The following FBXO25 variants were observed in gnomAD, a reference collection of about 807,000 sequenced individuals.
FBXO25 encodes F-box protein 25, also known as F-box only protein 25.
FBXO25 carries 45 observed loss-of-function variants against 51.9 expected under a neutral mutation model. The observed-to-expected ratio is 0.87, with a 90% CI of 0.68 to 1.11. The LOEUF (loss-of-function observed/expected upper bound fraction) is 1.11, where lower values mean the gene tolerates loss of function less well. Among genes scored for constraint, FBXO25 ranks in the 50% most tolerant of loss-of-function variants. FBXO25 has a pLI of 0.00. For synonymous variants in FBXO25, 199 were observed against 151.0 expected, an observed-to-expected ratio of 1.32 and a Z score of -2.33; for missense variants, 507 against 428.5, an observed-to-expected ratio of 1.18 and a Z score of -1.62.
chr8:438,970 C>T (rs770280200), intron 5 of FBXO25, among the ~76,000 whole-genome samples: 2 of 152,154 alleles, frequency 1.3e-5, no homozygotes, highest in Admixed American at 6.5e-5. Flanking sequence ...CTGCTGTTCA[C>T]CCACTGCTGA....
At chr8:427,469 G>T (rs1425941223) in intron 2 of FBXO25, among the ~76,000 whole-genome samples, 11 of 151,220 alleles carry the variant, frequency 7.3e-5, no homozygotes, top group Non-Finnish European at 1.5e-4. Flanking sequence ...TAGCATATAT[G>T]TACCTTTCAT....
rs1241303132 is a variant in FBXO25, at chr8:451,282, C to G, written c.489C>G (p.His163Gln). The G allele has an allele frequency of 1.2e-6, 2 of 1,605,934 alleles. No individual in the cohort carries two copies. Among genetic ancestry groups the G allele is most frequent in the Non-Finnish European group, 1.7e-6 (2 of 1,177,760 alleles). The change falls in exon 7 of 10, where the codon CAC becomes CAG. Residue 163 changes from histidine (H) to glutamine (Q), a missense_variant. His to Gln is a conservative substitution (Grantham distance 24). Coordinates refer to ENST00000350302, the MANE Select transcript of FBXO25 (RefSeq NM_183420.2). ...TATTTATTCCAGTTCTTGATGACCACCACAATCCTCGCTTAATCAAAGATC... is the reference window on the plus strand; with the variant it reads ...TATTTATTCCAGTTCTTGATGACCAGCACAATCCTCGCTTAATCAAAGATC... The part of the protein sequence containing the change: ...DKIVQKVLDD[H>Q]HNPRLIKDLL...
intron 2 of FBXO25, among the ~76,000 whole-genome samples, chr8:430,505 G>A (rs1448599875): frequency 6.6e-6 from 1 of 151,810 alleles, no homozygotes; most frequent in Non-Finnish European, 1.5e-5. Flanking sequence ...CAATTTTCTT[G>A]TCAAAGAACG....
At chr8:422,617 A>G (rs1435903982) in intron 2 of FBXO25, among the ~76,000 whole-genome samples, 5 of 152,172 alleles carry the variant, frequency 3.3e-5, no homozygotes, top group Admixed American at 6.5e-5. Context: ...ACTTGGGGAC[A>G]CTGTGTGTTC....
intron 2 of FBXO25, among the ~76,000 whole-genome samples, chr8:416,836 A>T (rs538936074): frequency 2.6e-4 from 39 of 152,248 alleles, no homozygotes; most frequent in Non-Finnish European, 5.0e-4. Context: ...TGGAGCTTGC[A>T]TTCTGGTGAA....
chr8:412,970 TA>T, intron 1 of FBXO25, 102 bp from the exon 2 acceptor site: 1 of 1,019,060 alleles, frequency 9.8e-7, no homozygotes, highest in Non-Finnish European at 1.3e-6. Flanking sequence ...AGCAGACATT[TA>T]AATGTTAAGA....
intron 2 of FBXO25, among the ~76,000 whole-genome samples, chr8:422,152 TC>T (rs552309634): frequency 6.6e-6 from 1 of 151,934 alleles, no homozygotes; most frequent in South Asian, 2.1e-4. Flanking sequence ...CTGCCAAGTC[TC>T]CCCCCAAATA....
intron 5 of FBXO25, among the ~76,000 whole-genome samples, chr8:444,488 C>G (rs1563083346): frequency 6.6e-6 from 1 of 152,078 alleles, no homozygotes; most frequent in Non-Finnish European, 1.5e-5. Flanking sequence ...ATCTCTAATT[C>G]TTTGAAATGA....
intron 2 of FBXO25, among the ~76,000 whole-genome samples, chr8:421,259 C>T (rs908958474): frequency 3.3e-5 from 5 of 152,222 alleles, no homozygotes; most frequent in African/African-American, 1.2e-4. Context: ...ACAGTTTCAT[C>T]CTGAAACCAT....
chr8:471,399 T>G lies in FBXO25; in HGVS notation c.*2595T>G, dbSNP rs772959036. ...AGAAGAGAAATCATAGATCTCCACTTTGGAATGGTATTTTTGAATACAGTT... is the reference window on the plus strand; with the variant it reads ...AGAAGAGAAATCATAGATCTCCACTGTGGAATGGTATTTTTGAATACAGTT... On this transcript the variant is annotated 3_prime_UTR_variant, in exon 10 of 10. Transcript: ENST00000350302. The G allele has an allele frequency of 6.6e-6, 1 of 152,178 alleles. No homozygotes were observed. Among genetic ancestry groups the G allele is most frequent in the African/African-American group, 2.4e-5 (1 of 41,444 alleles). 9.4% of individuals were successfully genotyped at this position (152,178 alleles called of 1,614,324 possible). A position where few individuals can be genotyped will look rare whatever the true frequency, so the allele number is the denominator to read the frequency against.
At chr8:443,394 C>T (rs1052331686) in intron 5 of FBXO25, among the ~76,000 whole-genome samples, 1 of 151,430 alleles carries the variant, frequency 6.6e-6, no homozygotes, top group Non-Finnish European at 1.5e-5. Flanking sequence ...TATGACTAAA[C>T]ACAGCAACTA....
chr8:424,323 C>T (rs946428450), intron 2 of FBXO25, among the ~76,000 whole-genome samples: 2 of 152,092 alleles, frequency 1.3e-5, no homozygotes, highest in East Asian at 3.9e-4. Flanking sequence ...TGTCTATATT[C>T]TCTGTCAATA....
At chr8:430,086 C>G (rs1352739822) in intron 2 of FBXO25, among the ~76,000 whole-genome samples, 1 of 152,212 alleles carries the variant, frequency 6.6e-6, no homozygotes, top group Admixed American at 6.5e-5. Flanking sequence ...TGAGATTAGT[C>G]AGCAGTCCTG....
At chr8:417,059 G>C (rs1243090625) in intron 2 of FBXO25, among the ~76,000 whole-genome samples, 3 of 152,188 alleles carry the variant, frequency 2.0e-5, no homozygotes, top group African/African-American at 4.8e-5. Context: ...AAAGTGCAAA[G>C]GCCTCAAGGC....
At chr8:414,716 C>T (rs573411007) in intron 2 of FBXO25, among the ~76,000 whole-genome samples, 42 of 152,288 alleles carry the variant, frequency 2.8e-4, no homozygotes, top group African/African-American at 8.4e-4. Context: ...CCTACAGATC[C>T]GCCCCTTTGA....
intron 5 of FBXO25, among the ~76,000 whole-genome samples, chr8:442,352 T>TA (rs1311367946): frequency 6.6e-6 from 1 of 152,212 alleles, no homozygotes; most frequent in African/African-American, 2.4e-5. Context: ...ACTATTAAGA[T>TA]ACTCTAAGAT....
chr8:461,736 G>A (rs1012532406), intron 8 of FBXO25, among the ~76,000 whole-genome samples: 1 of 152,138 alleles, frequency 6.6e-6, no homozygotes, highest in Admixed American at 6.5e-5. Context: ...TTCTGGATGT[G>A]TAATGTAAGA....
chr8:439,488 C>T (rs1476405601), intron 5 of FBXO25, among the ~76,000 whole-genome samples: 1 of 152,148 alleles, frequency 6.6e-6, no homozygotes, highest in Non-Finnish European at 1.5e-5. Flanking sequence ...ATCTGAAGTA[C>T]TTCATTCTCT....
rs1400436397 is a variant in FBXO25, at chr8:476,326, T to G, written c.*7522T>G. 2.0e-5 allele frequency: 3 copies of G among 146,810 alleles called. No homozygotes were observed. Among genetic ancestry groups the G allele is most frequent in the African/African-American group, 5.3e-5 (2 of 37,932 alleles). The allele number at this position is 146,810 out of a possible 1,614,324, so 9.1% of individuals were successfully genotyped here. A position where few individuals can be genotyped will look rare whatever the true frequency, so the allele number is the denominator to read the frequency against. ...TGATCAGGAATACTGATGTGTGGTG[T>G]TTTTTTCTTATAGTGTCTTTGTCTG... On this transcript the variant is annotated 3_prime_UTR_variant, in exon 10 of 10. Coordinates refer to ENST00000350302, the MANE Select transcript of FBXO25 (RefSeq NM_183420.2).
Sources: allele counts gnomAD v4.1 joint callset (sites outside exome capture counted in the v4.1 genomes callset), GRCh38; gene constraint gnomAD v4.1.1; transcripts MANE v1.5; gene names NCBI Gene and HGNC (gene_info 2026-07-23, HGNC 2026-07-21).